The following NOL4L variants were observed in gnomAD, a reference collection of about 807,000 sequenced individuals.
NOL4L encodes the protein nucleolar protein 4-like.
Under a neutral mutation model 64.5 loss-of-function variants are expected in NOL4L, and 7 were observed. That is an observed-to-expected ratio of 0.11 (90% confidence interval 0.06 to 0.20). The LOEUF is 0.20. Ranked by LOEUF, NOL4L falls within the 10% of genes least tolerant of loss-of-function variation. The probability of loss-of-function intolerance (pLI) is 1.00; values close to 1 mark genes in which losing one functional copy is unlikely to be tolerated. For synonymous variants in NOL4L, 413 were observed against 401.0 expected (o/e 1.03, Z -0.36); for missense variants, 680 against 967.1 (o/e 0.70, Z 3.94).
At chr20:32,567,847 CCACCAT>C (rs1459886524) in intron 1 of NOL4L, among the ~76,000 whole-genome samples, 3 of 152,154 alleles carry the variant, frequency 2.0e-5, no homozygotes, top group Non-Finnish European at 4.4e-5. Flanking sequence ...ATCACACACA[CCACCAT>C]CACCATCACA....
intron 4 of NOL4L, among the ~76,000 whole-genome samples, chr20:32,481,531 C>G (rs2015712217): frequency 6.6e-6 from 1 of 151,628 alleles, no homozygotes; most frequent in Admixed American, 6.6e-5. Flanking sequence ...GTCTTCTCAG[C>G]TGGGAGGAAG....
intron 1 of NOL4L, chr20:32,532,530 G>T: frequency 1.4e-5 from 3 of 209,344 alleles, no homozygotes; most frequent in Non-Finnish European, 2.5e-5. Context: ...AGGGGAGGCA[G>T]GCCTTCCCTA....
chr20:32,504,138 TC>T (rs1260080925), intron 4 of NOL4L, among the ~76,000 whole-genome samples: 5 of 152,214 alleles, frequency 3.3e-5, no homozygotes, highest in African/African-American at 1.2e-4. Context: ...TGTGGTTTCT[TC>T]GTTTAGTCCC....
chr20:32,485,093 A>AAAAAAAAG (rs2016028343), intron 4 of NOL4L, among the ~76,000 whole-genome samples: 2 of 114,528 alleles, frequency 1.7e-5, no homozygotes, highest in African/African-American at 3.0e-5. Flanking sequence ...AAAAACAACT[A>AAAAAAAAG]AAAAAAAACC....
chr20:32,494,250 CGG>C (rs57081206), intron 4 of NOL4L, among the ~76,000 whole-genome samples: 3 of 87,576 alleles, frequency 3.4e-5, no homozygotes, highest in East Asian at 2.8e-4. Context: ...GAGATAATCT[CGG>C]GAAAAAAAAA....
At position 32,480,511 on chromosome 20, in the gene NOL4L, G is replaced by A. The variant is rs566181390; in HGVS notation, c.700-5769C>T. On this transcript the variant is annotated intron_variant, in intron 4 of 10. Coordinates refer to ENST00000621426, the MANE Select transcript of NOL4L (RefSeq NM_001256798.2). ...CCCAGCACCAGCTCTATCCCAAAGC[G>A]GAGTCTCTTCTCAACCCACTGGTGG... Among the ~76,000 whole-genome samples, 5 of 152,262 alleles carry A rather than the reference G, an allele frequency of 3.3e-5. No homozygotes were observed. In the South Asian group the frequency reaches 8.3e-4, roughly 25 times the overall value.
chr20:32,524,674 G>A (rs1213300950), intron 2 of NOL4L, among the ~76,000 whole-genome samples: 2 of 152,164 alleles, frequency 1.3e-5, no homozygotes, highest in Non-Finnish European at 2.9e-5. Context: ...GCCAGGCTGT[G>A]CCCCTCTGCA....
intron 4 of NOL4L, among the ~76,000 whole-genome samples, chr20:32,503,929 G>T (rs1194785643): frequency 1.3e-5 from 2 of 151,800 alleles, no homozygotes; most frequent in Admixed American, 1.3e-4. Flanking sequence ...TTTGATAAAT[G>T]TCTTTTGTAA....
intron 1 of NOL4L, among the ~76,000 whole-genome samples, chr20:32,529,567 C>T (rs2018266855): frequency 6.6e-6 from 1 of 152,204 alleles, no homozygotes; most frequent in Admixed American, 6.5e-5. Context: ...GCTTTCTCGA[C>T]ACACCATGAT....
chr20:32,521,597 C>A (rs2017936582), intron 2 of NOL4L, among the ~76,000 whole-genome samples: 1 of 152,154 alleles, frequency 6.6e-6, no homozygotes, highest in Admixed American at 6.5e-5. Flanking sequence ...TCCAGAAGGC[C>A]TCCCCTAGTT....
intron 1 of NOL4L, among the ~76,000 whole-genome samples, chr20:32,552,322 A>C (rs1274709394): frequency 6.6e-6 from 1 of 152,182 alleles, no homozygotes; most frequent in Non-Finnish European, 1.5e-5. Flanking sequence ...GGTGACTGGC[A>C]GGCAGGGCCA....
intron 1 of NOL4L, among the ~76,000 whole-genome samples, chr20:32,531,001 C>A (rs1447863958): frequency 6.6e-6 from 1 of 151,928 alleles, no homozygotes; most frequent in East Asian, 1.9e-4. Context: ...ATTTAAAAAA[C>A]AGTTTTTAAA....
intron 1 of NOL4L, chr20:32,537,077 G>T: frequency 1.0e-6 from 1 of 985,054 alleles, no homozygotes; most frequent in Non-Finnish European, 1.2e-6. Context: ...CCGGGACGCT[G>T]CCCACCTGTC....
rs1056296831 is a variant in NOL4L, at chr20:32,569,147, T to C, written c.321+15423A>G. Among the ~76,000 whole-genome samples the C allele has an allele frequency of 3.3e-5, 5 of 152,168 alleles. No homozygotes were observed. In the South Asian group the frequency reaches 6.2e-4, roughly 19 times the overall value. ...GTTAGTGTAAGGGGCTTGAGAGTGA[T>C]AGGAACCAACGACATTTTGAAAAGA... On this transcript the variant is annotated intron_variant, in intron 1 of 10. Coordinates refer to ENST00000621426, the MANE Select transcript of NOL4L (RefSeq NM_001256798.2).
intron 1 of NOL4L, among the ~76,000 whole-genome samples, chr20:32,581,428 C>G (rs1031175463): frequency 6.6e-6 from 1 of 152,186 alleles, no homozygotes; most frequent in African/African-American, 2.4e-5. Context: ...GTCAGATCAT[C>G]GACCCGAGGC....
chr20:32,517,276 C>T (rs138785380), intron 3 of NOL4L, among the ~76,000 whole-genome samples: 1 of 152,360 alleles, frequency 6.6e-6, no homozygotes, highest in Non-Finnish European at 1.5e-5. Flanking sequence ...CATCCTGTCC[C>T]CTGTCCCCGC....
chr20:32,544,056 G>C (rs2018698800), intron 1 of NOL4L, among the ~76,000 whole-genome samples: 2 of 152,268 alleles, frequency 1.3e-5, no homozygotes, highest in South Asian at 4.1e-4. Context: ...GGACGGATGG[G>C]GTGGCGGCTG....
At chr20:32,478,197 T>C (rs1216235459) in intron 4 of NOL4L, among the ~76,000 whole-genome samples, 1 of 151,588 alleles carries the variant, frequency 6.6e-6, no homozygotes, top group Non-Finnish European at 1.5e-5. Context: ...ACCAAGTGTC[T>C]CAAGATGAGG....
chr20:32,564,122 G>A (rs1979271414), intron 1 of NOL4L, among the ~76,000 whole-genome samples: 3 of 152,194 alleles, frequency 2.0e-5, no homozygotes, highest in Non-Finnish European at 4.4e-5. Flanking sequence ...ACCACGGCGG[G>A]CCCCAGGATG....
Sources: gnomAD v4.1 joint callset for allele counts (sites outside exome capture counted in the v4.1 genomes callset) on GRCh38, gnomAD v4.1.1 for gene constraint, MANE v1.5 for transcripts, NCBI Gene and HGNC (gene_info 2026-07-23, HGNC 2026-07-21) for gene names.